The following KCNJ10 variants were observed in gnomAD, a reference collection of about 807,000 sequenced individuals.
KCNJ10 encodes the protein potassium inwardly rectifying channel subfamily J member 10.
Under a neutral mutation model 22.2 loss-of-function variants are expected in KCNJ10, and 9 were observed. The ratio of observed to expected loss-of-function variants is 0.40; its 90% CI spans 0.24 to 0.71. The LOEUF is 0.71. KCNJ10 is among the 30% of genes least tolerant of loss of function. The probability of loss-of-function intolerance (pLI) is 0.35; values close to 1 mark genes in which losing one functional copy is unlikely to be tolerated. For synonymous variants in KCNJ10, 184 were observed against 187.3 expected (o/e 0.98, Z 0.15); for missense variants, 337 against 482.7 (o/e 0.70, Z 2.83).
At position 160,040,439 on chromosome 1, in the gene KCNJ10, G is replaced by T; in HGVS notation, c.*954C>A. On this transcript the variant is annotated 3_prime_UTR_variant, in exon 2 of 2. Coordinates refer to ENST00000644903, the MANE Select transcript of KCNJ10 (RefSeq NM_002241.5). The stretch of plus-strand genomic sequence containing the variant: ...GTTGGGGTTAAGGAAGAAGGATCTA[G>T]GCTGAGCAGGAAAGGAAGAAGAGAA... 2.5e-6 allele frequency: 1 copy of T among 398,260 alleles called. No homozygotes were observed. The highest frequency in any genetic ancestry group is 1.3e-4 in the South Asian group (1 of 7,838). The allele number at this position is 398,260 out of a possible 1,614,324, so 24.7% of individuals were successfully genotyped here.
chr1:160,057,102 G>A (rs945660409), intron 1 of KCNJ10, among the ~76,000 whole-genome samples: 4 of 152,138 alleles, frequency 2.6e-5, no homozygotes, highest in African/African-American at 9.7e-5. Context: ...CATCTAAGGA[G>A]GCAATAAAAC....
intron 1 of KCNJ10, among the ~76,000 whole-genome samples, chr1:160,056,486 T>C (rs1649038775): frequency 6.6e-6 from 1 of 152,138 alleles, no homozygotes; most frequent in South Asian, 2.1e-4. Flanking sequence ...CTCTGCCTGC[T>C]CCAAGACTCC....
In KCNJ10 at chr1:160,041,267, G is replaced by T; in HGVS notation, c.*126C>A. 1.0e-6 allele frequency: 1 copy of T among 1,001,124 alleles called. No homozygotes were observed. Among genetic ancestry groups the T allele is most frequent in the Non-Finnish European group, 1.5e-6 (1 of 661,668 alleles). The allele number at this position is 1,001,124 out of a possible 1,614,324, so 62.0% of individuals were successfully genotyped here. On this transcript the variant is annotated 3_prime_UTR_variant, in exon 2 of 2. Transcript: ENST00000644903. The surrounding 1 kb of genome is among the most constrained non-coding windows in gnomAD (Gnocchi z 4.4). ...GCCTAAGCTACCAACAGGCCACTGG[G>T]TTAAAGAAGAGGGAGTGGAGGATGG...
chr1:160,057,841 C>T (rs1649078004), intron 1 of KCNJ10, among the ~76,000 whole-genome samples: 2 of 152,220 alleles, frequency 1.3e-5, no homozygotes, highest in Non-Finnish European at 2.9e-5. Context: ...CTTCTCTGTA[C>T]ACTTTCCTGT....
intron 1 of KCNJ10, among the ~76,000 whole-genome samples, chr1:160,069,449 T>G (rs1470274874): frequency 1.3e-5 from 2 of 152,296 alleles, no homozygotes; most frequent in South Asian, 2.1e-4. Context: ...GAGGGATGTC[T>G]TAAAATGGGA....
chr1:160,058,250 G>T (rs868774338), intron 1 of KCNJ10, among the ~76,000 whole-genome samples: 2 of 152,046 alleles, frequency 1.3e-5, no homozygotes. Flanking sequence ...AAGTTTCAAC[G>T]TTTGGACACT....
At chr1:160,047,594 A>G (rs1173105696) in intron 1 of KCNJ10, among the ~76,000 whole-genome samples, 1 of 152,180 alleles carries the variant, frequency 6.6e-6, no homozygotes, top group East Asian at 1.9e-4. Flanking sequence ...CTTATCTTTC[A>G]GAACTCGACT....
intron 1 of KCNJ10, among the ~76,000 whole-genome samples, chr1:160,056,993 A>G (rs1186686): frequency 0.47 from 70,910 of 151,978 alleles, 16,685 homozygotes; most frequent in Non-Finnish European, 0.48. Flanking sequence ...AAAGGTCCCT[A>G]TGTATTCTCC....
At chr1:160,043,132 A>AGACTAAT (rs1272929853) in intron 1 of KCNJ10, among the ~76,000 whole-genome samples, 5 of 152,216 alleles carry the variant, frequency 3.3e-5, no homozygotes, top group African/African-American at 1.2e-4. Context: ...GGTGAGGGTG[A>AGACTAAT]GACTAATGAG....
intron 1 of KCNJ10, among the ~76,000 whole-genome samples, chr1:160,055,102 G>A (rs1257953655): frequency 6.6e-6 from 1 of 152,122 alleles, no homozygotes; most frequent in Admixed American, 6.5e-5. Context: ...TTACTATTAG[G>A]TTGAATTCTA....
intron 1 of KCNJ10, among the ~76,000 whole-genome samples, chr1:160,049,693 A>ATATATATATATATATATATT (rs1648849027): frequency 8.6e-6 from 1 of 116,732 alleles, no homozygotes; most frequent in Non-Finnish European, 1.8e-5. Context: ...ATATATATAT[A>ATATATATATATATATATATT]TATATATATA....
At chr1:160,047,195 T>C (rs1423094046) in intron 1 of KCNJ10, among the ~76,000 whole-genome samples, 1 of 152,202 alleles carries the variant, frequency 6.6e-6, no homozygotes, top group Non-Finnish European at 1.5e-5. Context: ...AATACATGGA[T>C]TTATCAGGGC....
rs1051358863 is a variant in KCNJ10 at position 160,042,353 on chromosome 1, A to G, written c.180T>C (p.Ile60=). The change falls in exon 2 of 2, where the codon ATT becomes ATC. Residue 60 remains isoleucine, a synonymous_variant. Transcript: ENST00000644903. ...LYLKDLWTTF[I]DMQWRYKLLL... is the part of the protein sequence containing the mutation. The stretch of plus-strand genomic sequence containing the variant: ...GAAGCTTGTAGCGCCACTGCATGTC[A>G]ATGAAGGTTGTCCACAGGTCCTTGA... The G allele has an allele frequency of 6.2e-7, 1 of 1,613,256 alleles. No homozygotes were observed. The highest frequency in any genetic ancestry group is 8.5e-7 in the Non-Finnish European group (1 of 1,179,318).
chr1:160,063,611 G>T (rs140778643), intron 1 of KCNJ10: 1 of 152,232 alleles, frequency 6.6e-6, no homozygotes, highest in Non-Finnish European at 1.5e-5. Flanking sequence ...TTCTTTCCCC[G>T]TCTTAGGACC....
At position 160,041,399 on chromosome 1, in the gene KCNJ10, A is replaced by G. The variant is rs773446859; in HGVS notation, c.1134T>C (p.Asn378=). ...GGGGAGTGGGAACAGGTCATCAGAC[A>G]TTGCTGATGCGCACACTAAGGGCAC... The part of the protein sequence containing the change: ...EGSALSVRIS[N]V Residue 378 remains asparagine (N), a synonymous_variant, in exon 2 of 2, where the codon AAT becomes AAC. Coordinates refer to ENST00000644903, the MANE Select transcript of KCNJ10 (RefSeq NM_002241.5). The surrounding 1 kb of genome is among the most constrained non-coding windows in gnomAD (Gnocchi z 4.4). 1.2e-5 allele frequency: 19 copies of G among 1,612,368 alleles called. No individual in the cohort carries two copies. The highest frequency in any genetic ancestry group is 1.4e-5 in the Non-Finnish European group (17 of 1,179,800).
rs537440482 is a variant in KCNJ10 at position 160,042,663 on chromosome 1, T to G, written c.1-131A>C. On this transcript the variant is annotated intron_variant, in intron 1 of 1. Transcript: ENST00000644903. ...ATGTGTTCTTGTCTTACCAAATATT[T>G]ATTGAGCACTTGCTATGTGCCAGGC... 8.1e-5 allele frequency: 73 copies of G among 895,794 alleles called. No individual in the cohort carries two copies. The South Asian group carries it at 1.0e-3, about 12-fold the overall frequency. 55.5% of individuals were successfully genotyped at this position (895,794 alleles called of 1,614,324 possible). A position where few individuals can be genotyped will look rare whatever the true frequency, so the allele number is the denominator to read the frequency against.
At position 160,049,437 on chromosome 1, in the gene KCNJ10, C is replaced by T. The variant is rs145965419; in HGVS notation, c.1-6905G>A. 5.3e-3 allele frequency among the ~76,000 whole-genome samples: 807 copies of T among 151,946 alleles called. 5 individuals are homozygous for T. Among genetic ancestry groups the T allele is most frequent in the Non-Finnish European group, 7.7e-3 (526 of 67,978 alleles). On this transcript the variant is annotated intron_variant, in intron 1 of 1. Coordinates refer to ENST00000644903, the MANE Select transcript of KCNJ10 (RefSeq NM_002241.5). ...ACTTCTCTCTTCCTGGGCTCCCCTT[C>T]CTCCTTGTCTTTACCTATCCAAGTC...
chr1:160,050,048 T>G (rs964648758), intron 1 of KCNJ10, among the ~76,000 whole-genome samples: 1 of 152,126 alleles, frequency 6.6e-6, no homozygotes, highest in African/African-American at 2.4e-5. Context: ...CTAATAGGTA[T>G]GCAAACAAAC....
In KCNJ10 at chr1:160,041,969, G is replaced by T. The variant is rs1251516315; in HGVS notation, c.564C>A (p.Ala188=). The change falls in exon 2 of 2, where the codon GCC becomes GCA. Residue 188 remains alanine, a synonymous_variant. Transcript: ENST00000644903. This position sits in a 1 kb window ranked among gnomAD's most constrained non-coding sequence, Gnocchi z 4.4. ...TIRFSQHAVV[A]SHNGKPCLMI... is the part of the protein sequence containing the mutation. ...TGAGGCAGGGCTTGCCATTGTGGGA[G>T]GCCACAACTGCATGCTGGCTGAAAC... 1.9e-6 allele frequency: 3 copies of T among 1,602,510 alleles called. No individual in the cohort carries two copies. The highest frequency in any genetic ancestry group is 3.4e-5 in the Admixed American group (2 of 59,548).
Sources: allele counts gnomAD v4.1 joint callset (sites outside exome capture counted in the v4.1 genomes callset), GRCh38; gene constraint gnomAD v4.1.1; non-coding constraint Gnocchi (gnomAD v3.1); transcripts MANE v1.5; gene names NCBI Gene and HGNC (gene_info 2026-07-23, HGNC 2026-07-21).